CD34: variants seen among roughly 807,000 people sequenced by gnomAD.
The protein encoded by CD34 is CD34 molecule.
CD34 carries 34 observed loss-of-function variants against 40.1 expected under a neutral mutation model. The ratio of observed to expected loss-of-function variants is 0.85; its 90% confidence interval spans 0.65 to 1.13. The LOEUF is 1.13. CD34 is among the 50% of genes most tolerant of loss of function. The pLI, the probability that CD34 is intolerant of heterozygous loss-of-function variation, is 0.00. For synonymous variants in CD34, 209 were observed against 190.0 expected, an observed-to-expected ratio of 1.10 and a Z score of -0.82; for missense variants, 426 against 466.9, an observed-to-expected ratio of 0.91 and a Z score of 0.81.
Position 207,889,541 on chromosome 1 carries a change from G to A in CD34, c.678C>T (p.Ala226=), listed in dbSNP as rs775087678. ...GEEQADADAG[A]QVCSLLLAQS... is the part of the protein sequence containing the mutation. ...GGGCAAGGAGCAGGGAGCATACCTG[G>A]GCCCCAGCATCAGCATCAGCCTGCT... Residue 226 remains alanine (A), a synonymous_variant, in exon 5 of 8, where the codon GCC becomes GCT. Coordinates refer to ENST00000310833, the MANE Select transcript of CD34 (RefSeq NM_001025109.2). 1.2e-6 allele frequency: 2 copies of A among 1,614,032 alleles called. No individual in the cohort carries two copies. Among genetic ancestry groups the A allele is most frequent in the Non-Finnish European group, 1.7e-6 (2 of 1,180,000 alleles).
chr1:207,895,945 G>T (rs1662143034), intron 4 of CD34, among the ~76,000 whole-genome samples: 1 of 152,088 alleles, frequency 6.6e-6, no homozygotes, highest in Non-Finnish European at 1.5e-5. Context: ...TAACTATTTT[G>T]CAGACTGCAT....
At chr1:207,902,815 C>A (rs1051957485) in intron 1 of CD34, among the ~76,000 whole-genome samples, 1 of 152,150 alleles carries the variant, frequency 6.6e-6, no homozygotes, top group African/African-American at 2.4e-5. Flanking sequence ...GTGCCTGTTC[C>A]AGAAGAGCAA....
intron 4 of CD34, among the ~76,000 whole-genome samples, chr1:207,894,878 A>G (rs1253065747): frequency 1.3e-5 from 2 of 152,170 alleles, no homozygotes; most frequent in East Asian, 1.9e-4. Context: ...ACACGCCTAC[A>G]GAATCCACAT....
At position 207,884,305 on chromosome 1, in the gene CD34, C is replaced by T. The variant is rs1661859717; in HGVS notation, c.*3433G>A. On this transcript the variant is annotated 3_prime_UTR_variant, in exon 8 of 8. Coordinates refer to ENST00000310833, the MANE Select transcript of CD34 (RefSeq NM_001025109.2). ...TCAATATATTTTATGTTTTTCATAGCTCTCAATCCTGAAAACACATGTATA... is the reference window on the plus strand; with the variant it reads ...TCAATATATTTTATGTTTTTCATAGTTCTCAATCCTGAAAACACATGTATA... 6.6e-6 allele frequency: 1 copy of T among 152,258 alleles called. No individual in the cohort carries two copies. The allele number at this position is 152,258 out of a possible 1,614,324, so 9.4% of individuals were successfully genotyped here.
Position 207,899,933 on chromosome 1 carries a change from T to C in CD34, c.150A>G (p.Ser50=), listed in dbSNP as rs1662239936. 1.2e-6 allele frequency: 2 copies of C among 1,613,898 alleles called. No individual in the cohort carries two copies. Among genetic ancestry groups the C allele is most frequent in the African/African-American group, 2.7e-5 (2 of 74,894 alleles). Residue 50 remains serine, a synonymous_variant, in exon 2 of 8, where the codon TCA becomes TCG. Transcript: ENST00000310833. ...TPELPTQGTF[S]NVSTNVSYQE... ...GGTAGGATACATTTGTAGAAACATTTGAAAATGTTCCCTGGGTAGGTAACT... is the reference window on the plus strand; with the variant it reads ...GGTAGGATACATTTGTAGAAACATTCGAAAATGTTCCCTGGGTAGGTAACT...
Position 207,900,598 on chromosome 1 carries a change from C to T in CD34, c.80-595G>A, listed in dbSNP as rs1662254743. Among the ~76,000 whole-genome samples the T allele has an allele frequency of 2.0e-5, 3 of 152,202 alleles. No individual in the cohort carries two copies. The South Asian group carries it at 6.2e-4, about 31-fold the overall frequency. On this transcript the variant is annotated intron_variant, in intron 1 of 7. Coordinates refer to ENST00000310833, the MANE Select transcript of CD34 (RefSeq NM_001025109.2). ...CCCTTAAAAATCTATACTTCTCAGA[C>T]TTCCCATTCCCATACTCCCCTCATC...
chr1:207,888,955 T>C lies in CD34; in HGVS notation c.808-109A>G, dbSNP rs982400115. On this transcript the variant is annotated intron_variant, in intron 6 of 7. Transcript: ENST00000310833. ...ACAGTGAACAGATGCTTGAGGGCAT[T>C]GACCTCAGGAATTTTTGAAATGGGA... is the stretch of plus-strand genomic sequence containing the variant. 1.2e-4 allele frequency: 132 copies of C among 1,139,976 alleles called. 2 individuals carry two copies. The highest frequency in any genetic ancestry group is 1.1e-4 in the Non-Finnish European group (82 of 779,802). 70.6% of individuals were successfully genotyped at this position (1,139,976 alleles called of 1,614,324 possible).
chr1:207,897,652 T>C, intron 3 of CD34, 79 bp from the exon 4 acceptor site: 1 of 1,193,018 alleles, frequency 8.4e-7, no homozygotes, highest in Admixed American at 2.0e-5. Context: ...CCCAACTTTT[T>C]CCAGTTTGCT....
At chr1:207,900,056 T>C (rs1662242792) in intron 1 of CD34, 53 bp from the exon 2 acceptor site, 1 of 1,380,036 alleles carries the variant, frequency 7.2e-7, no homozygotes, top group African/African-American at 1.4e-5. Context: ...AGCCTGGTGA[T>C]ATCACCTGAT....
chr1:207,889,327 G>T (rs954304661), intron 5 of CD34, 114 bp from the exon 6 acceptor site: 1 of 1,560,376 alleles, frequency 6.4e-7, no homozygotes, highest in African/African-American at 1.4e-5. Context: ...ATCTCGGGGG[G>T]ACCGCTCCCA....
intron 4 of CD34, among the ~76,000 whole-genome samples, chr1:207,895,496 C>T (rs1002559625): frequency 1.3e-5 from 2 of 152,198 alleles, no homozygotes; most frequent in South Asian, 2.1e-4. Flanking sequence ...TCTCTTTTCA[C>T]ATCCCCACTC....
chr1:207,898,055 A>ATTTATTTATTTATTTT (rs1662188789), intron 3 of CD34, among the ~76,000 whole-genome samples: 1 of 150,592 alleles, frequency 6.6e-6, no homozygotes, highest in African/African-American at 2.4e-5. Context: ...TTATTTATTT[A>ATTTATTTATTTATTTT]TTTATTTATT....
At chr1:207,893,792 A>G (rs371938831) in intron 4 of CD34, among the ~76,000 whole-genome samples, 6 of 152,260 alleles carry the variant, frequency 3.9e-5, no homozygotes, top group Non-Finnish European at 5.9e-5. Flanking sequence ...AAGAAGATAT[A>G]CAAATGGCCA....
chr1:207,889,385 A>G (rs1042854202), intron 5 of CD34, 80 bp downstream of exon 5: 3 of 1,537,058 alleles, frequency 2.0e-6, no homozygotes, highest in African/African-American at 1.4e-5. Context: ...CTCTGGATCT[A>G]AGATGCCCCA....
Position 207,887,298 on chromosome 1 carries a change from C to A in CD34, c.*440G>T. Reference sequence around the variant, plus strand: ...GTGCAAAAGGTTACTTTGGTTTCCTCAAAGTAGAGAAAGAAAATACAGGGA... The same window carrying A: ...GTGCAAAAGGTTACTTTGGTTTCCTAAAAGTAGAGAAAGAAAATACAGGGA... On this transcript the variant is annotated 3_prime_UTR_variant, in exon 8 of 8. Transcript: ENST00000310833. The A allele has an allele frequency of 5.9e-6, 1 of 168,554 alleles. No homozygotes were observed. The highest frequency in any genetic ancestry group is 5.9e-5 in the Admixed American group (1 of 17,084). 10.4% of individuals were successfully genotyped at this position (168,554 alleles called of 1,614,324 possible).
At chr1:207,901,147 G>T (rs555582408) in intron 1 of CD34, among the ~76,000 whole-genome samples, 2 of 152,248 alleles carry the variant, frequency 1.3e-5, no homozygotes, top group East Asian at 3.9e-4. Flanking sequence ...TGGGATTACA[G>T]ATGTTACTCA....
At chr1:207,905,682 C>T (rs1174894357) in intron 1 of CD34, among the ~76,000 whole-genome samples, 1 of 152,196 alleles carries the variant, frequency 6.6e-6, no homozygotes, top group African/African-American at 2.4e-5. Flanking sequence ...CTCCAAAATA[C>T]GAAACTTTTT....
intron 1 of CD34, among the ~76,000 whole-genome samples, chr1:207,906,905 T>C (rs1197963876): frequency 3.3e-5 from 5 of 152,130 alleles, no homozygotes; most frequent in Non-Finnish European, 7.4e-5. Flanking sequence ...ATCCACTTAC[T>C]GTGGAACCCT....
rs1326728458 is a variant in CD34, at chr1:207,899,207, TG to T, written c.281del (p.Thr94AsnfsTer5). 1 of 1,614,162 alleles carries T rather than the reference TG, an allele frequency of 6.2e-7. No individual in the cohort carries two copies. ...AAACTGAGGTTATCACAGAGGTAGA[TG>T]TGAATTTGACTGTCGTTTCTGGAAG... ...TNITETTVKF[T>X]STSVITSVYG... On this transcript the variant is annotated frameshift_variant, in exon 3 of 8. Coordinates refer to ENST00000310833, the MANE Select transcript of CD34 (RefSeq NM_001025109.2). LOFTEE classifies it high-confidence loss of function.
Sources: allele counts gnomAD v4.1 joint callset (sites outside exome capture counted in the v4.1 genomes callset), GRCh38; gene constraint gnomAD v4.1.1; transcripts MANE v1.5; gene names NCBI Gene and HGNC (gene_info 2026-07-23, HGNC 2026-07-21).